PHC3: variants seen among roughly 807,000 people sequenced by gnomAD.
PHC3 encodes polyhomeotic homolog 3, also known as polyhomeotic-like protein 3.
Under a neutral mutation model 107.4 loss-of-function variants are expected in PHC3, and 13 were observed. That is an observed-to-expected ratio of 0.12 (90% CI 0.08 to 0.19). The LOEUF is 0.19. Among genes scored for constraint, PHC3 ranks in the 10% least tolerant of loss-of-function variants. PHC3 has a pLI of 1.00. For synonymous variants in PHC3, 456 were observed against 427.4 expected (o/e 1.07, Z -0.83); for missense variants, 992 against 1,210.9 (o/e 0.82, Z 2.68).
chr3:170,136,924 G>A (rs1046135519), intron 6 of PHC3, among the ~76,000 whole-genome samples: 7 of 151,642 alleles, frequency 4.6e-5, no homozygotes, highest in Non-Finnish European at 8.8e-5. Flanking sequence ...AAAAAGAAAG[G>A]AAGAGAGGGA....
Position 170,091,915 on chromosome 3 carries a change from G to T in PHC3, c.*5315C>A, listed in dbSNP as rs7426575. The stretch of plus-strand genomic sequence containing the variant: ...TAATCTAATTTTAAATTTATTTGAA[G>T]AAAGCTTATATAACTACTGTGAACA... On this transcript the variant is annotated 3_prime_UTR_variant, in exon 15 of 15. Transcript: ENST00000495893. 1 of 152,106 alleles carries T rather than the reference G, an allele frequency of 6.6e-6. No homozygotes were observed. Among genetic ancestry groups the T allele is most frequent in the Admixed American group, 6.5e-5 (1 of 15,280 alleles). 9.4% of individuals were successfully genotyped at this position (152,106 alleles called of 1,614,324 possible).
chr3:170,120,212 A>G (rs7638591), intron 9 of PHC3, among the ~76,000 whole-genome samples: 58,969 of 151,960 alleles, frequency 0.39, 11,916 homozygotes, highest in East Asian at 0.6. Flanking sequence ...CCGCAGCAAC[A>G]TAAATCCATT....
At chr3:170,163,232 C>G (rs1728180525) in intron 4 of PHC3, among the ~76,000 whole-genome samples, 1 of 151,844 alleles carries the variant, frequency 6.6e-6, no homozygotes, top group Non-Finnish European at 1.5e-5. Flanking sequence ...CTCATCTTGT[C>G]TAGCATCATA....
At position 170,102,917 on chromosome 3, in the gene PHC3, G is replaced by C. The variant is rs1457401221; in HGVS notation, c.2486C>G (p.Ser829Cys). The C allele has an allele frequency of 6.2e-7, 1 of 1,612,478 alleles. No individual in the cohort carries two copies. The highest frequency in any genetic ancestry group is 8.5e-7 in the Non-Finnish European group (1 of 1,179,120). ...CCAACGACTAAGTGCAAATTTTTTAGAACAGCTAACATTGTACCTAAGAAA... is the reference window on the plus strand; with the variant it reads ...CCAACGACTAAGTGCAAATTTTTTACAACAGCTAACATTGTACCTAAGAAA... ...SCAKRYNVSCSKKFALSRWNR... is the reference protein window; with the variant it reads ...SCAKRYNVSCCKKFALSRWNR... The change falls in exon 13 of 15, where the codon TCT (serine) becomes TGT (cysteine). Residue 829 changes from serine (S) to cysteine (C), a missense_variant. Physicochemically the swap from Ser to Cys is moderately radical, Grantham distance 112 (BLOSUM62 -1). Transcript: ENST00000495893.
At position 170,117,350 on chromosome 3, in the gene PHC3, C is replaced by CTGT; in HGVS notation, c.2066_2068dup (p.Asn689dup). 1.2e-6 allele frequency: 2 copies of CTGT among 1,613,886 alleles called. No homozygotes were observed. Among genetic ancestry groups the CTGT allele is most frequent in the Admixed American group, 1.7e-5 (1 of 60,010 alleles). ...GGGAATGCTACTGTGCATAGATGTA[C>CTGT]TGTTACTCCTTGTGGTGGCAGCTGG... On this transcript the variant is annotated inframe_insertion, in exon 10 of 15. Coordinates refer to ENST00000495893, the MANE Select transcript of PHC3 (RefSeq NM_024947.4).
At chr3:170,103,236 AACCAATTTTC>A (rs1232883815) in intron 12 of PHC3, among the ~76,000 whole-genome samples, 4 of 152,214 alleles carry the variant, frequency 2.6e-5, no homozygotes, top group Non-Finnish European at 4.4e-5. Context: ...TACAGAGGAT[AACCAATTTTC>A]ATAGCAGTAA....
chr3:170,155,237 A>G (rs1211238424), intron 4 of PHC3, among the ~76,000 whole-genome samples: 1 of 152,238 alleles, frequency 6.6e-6, no homozygotes, highest in Non-Finnish European at 1.5e-5. Context: ...ACTGATCAGA[A>G]TCAATCAGGT....
intron 4 of PHC3, among the ~76,000 whole-genome samples, chr3:170,160,599 A>T (rs1237812353): frequency 6.6e-6 from 1 of 152,356 alleles, no homozygotes. Flanking sequence ...CTGCATTGCA[A>T]TAATCAAGAA....
chr3:170,176,510 C>T (rs1286153522), intron 2 of PHC3, among the ~76,000 whole-genome samples: 1 of 152,084 alleles, frequency 6.6e-6, no homozygotes, highest in Non-Finnish European at 1.5e-5. Flanking sequence ...CAGAAGAAAG[C>T]AGGTATAATA....
At chr3:170,178,076 G>A (rs1288804508) in intron 2 of PHC3, among the ~76,000 whole-genome samples, 5 of 152,126 alleles carry the variant, frequency 3.3e-5, no homozygotes, top group African/African-American at 1.2e-4. Context: ...AGTGTTAAGA[G>A]GTAGGACCCC....
chr3:170,171,489 C>G (rs1210391356), intron 3 of PHC3, 39 bp from the exon 4 acceptor site: 1 of 1,444,836 alleles, frequency 6.9e-7, no homozygotes, highest in Non-Finnish European at 9.4e-7. Flanking sequence ...CGGTAAAAAC[C>G]TGAAGTTAAG....
intron 12 of PHC3, among the ~76,000 whole-genome samples, chr3:170,106,208 T>C (rs1409508304): frequency 1.3e-5 from 2 of 152,130 alleles, no homozygotes; most frequent in African/African-American, 2.4e-5. Context: ...TAAGACTCTA[T>C]ATCCAAAAAC....
intron 7 of PHC3, among the ~76,000 whole-genome samples, chr3:170,131,100 CA>C (rs1722192637): frequency 1.4e-5 from 2 of 142,100 alleles, no homozygotes; most frequent in South Asian, 4.4e-4. Flanking sequence ...GATTAACATC[CA>C]AAAAAGAGGC....
rs768446562 is a variant in PHC3, at chr3:170,097,423, T to G, written c.2834-39A>C. 1.3e-6 allele frequency: 2 copies of G among 1,591,018 alleles called. No homozygotes were observed. Among genetic ancestry groups the G allele is most frequent in the Non-Finnish European group, 1.7e-6 (2 of 1,165,674 alleles). The stretch of plus-strand genomic sequence containing the variant: ...AGAGGACAGAAGTTAGAATTAAATA[T>G]ACAACAATTAGACATTACTCCTAAC... On this transcript the variant is annotated intron_variant, in intron 14 of 14. Coordinates refer to ENST00000495893, the MANE Select transcript of PHC3 (RefSeq NM_024947.4). This position sits in a 1 kb window ranked among gnomAD's most constrained non-coding sequence, Gnocchi z 4.1.
intron 2 of PHC3, 113 bp from the exon 3 acceptor site, chr3:170,172,825 T>G: frequency 9.5e-7 from 1 of 1,056,232 alleles, no homozygotes; most frequent in East Asian, 2.4e-5. Flanking sequence ...TAATACATAA[T>G]ATCATCAAGC....
chr3:170,128,888 C>T lies in PHC3; in HGVS notation c.1584G>A (p.Leu528=). The T allele has an allele frequency of 1.2e-6, 2 of 1,614,010 alleles. No homozygotes were observed. The highest frequency in any genetic ancestry group is 2.7e-5 in the African/African-American group (2 of 75,038). ...STSPPAQIPP[L]PLQSMQSLQV... Reference sequence around the variant, plus strand: ...GTAAAGACTGCATAGACTGCAAGGGCAGTGGTGGAATCTGAGCTGGAGGAG... The same window carrying T: ...GTAAAGACTGCATAGACTGCAAGGGTAGTGGTGGAATCTGAGCTGGAGGAG... The change falls in exon 8 of 15, where the codon CTG becomes CTA. Residue 528 remains leucine (L), a synonymous_variant. Transcript: ENST00000495893.
At chr3:170,170,318 C>T (rs1729392383) in intron 4 of PHC3, 1 of 150,602 alleles carries the variant, frequency 6.6e-6, no homozygotes. Flanking sequence ...TTGCCCCCCA[C>T]CAGGAAACAC....
At chr3:170,171,079 A>T (rs1263628595) in intron 4 of PHC3, 4 of 442,080 alleles carry the variant, frequency 9.0e-6, no homozygotes, top group African/African-American at 8.2e-5. Context: ...CCTGCATTGT[A>T]TATTTTAGGC....
intron 5 of PHC3, among the ~76,000 whole-genome samples, chr3:170,146,877 C>CTTTTTTTTTT (rs1035803336): frequency 4.6e-4 from 45 of 97,950 alleles, no homozygotes; most frequent in African/African-American, 7.0e-4. Flanking sequence ...TCTATTTTTT[C>CTTTTTTTTTT]TTTTTTTTTT....
Sources: allele counts gnomAD v4.1 joint callset (sites outside exome capture counted in the v4.1 genomes callset), GRCh38; gene constraint gnomAD v4.1.1; non-coding constraint Gnocchi (gnomAD v3.1); transcripts MANE v1.5; gene names NCBI Gene and HGNC (gene_info 2026-07-23, HGNC 2026-07-21).